Variants in AGFG2 observed in about 807,000 individuals in gnomAD.
AGFG2 encodes ArfGAP with FG repeats 2, also known as arf-GAP domain and FG repeat-containing protein 2.
In AGFG2, 31 loss-of-function variants were observed where a neutral mutation model predicts 48.0. The ratio of observed to expected loss-of-function variants is 0.65; its 90% CI spans 0.49 to 0.87. The LOEUF (loss-of-function observed/expected upper bound fraction) is 0.87, where lower values mean the gene tolerates loss of function less well. Ranked by LOEUF, AGFG2 falls within the 40% of genes least tolerant of loss-of-function variation. The probability of loss-of-function intolerance (pLI) is 0.00; values close to 1 mark genes in which losing one functional copy is unlikely to be tolerated. For synonymous variants in AGFG2, 229 were observed against 260.8 expected (o/e 0.88, Z 1.18); for missense variants, 599 against 632.6 (o/e 0.95, Z 0.57).
intron 1 of AGFG2, among the ~76,000 whole-genome samples, chr7:100,547,664 CTT>C (rs1800539485): frequency 6.6e-6 from 1 of 152,270 alleles, no homozygotes; most frequent in Non-Finnish European, 1.5e-5. Context: ...CTTCTCTTCT[CTT>C]ATAATCTCCA....
rs1801007156 is a variant in AGFG2, at chr7:100,566,315, C to A, written c.*1324C>A. The A allele has an allele frequency of 6.6e-6, 1 of 152,274 alleles. No homozygotes were observed. Among genetic ancestry groups the A allele is most frequent in the South Asian group, 2.1e-4 (1 of 4,834 alleles). 9.4% of individuals were successfully genotyped at this position (152,274 alleles called of 1,614,324 possible). ...AAGTAGACCCCTCCTGGGTCTGGAA[C>A]ATTCTCTGCCCCAGGCTCTTTCCAC... On this transcript the variant is annotated 3_prime_UTR_variant, in exon 12 of 12. Transcript: ENST00000300176.
At chr7:100,551,885 CAAAAAAAAA>C (rs59484677) in intron 3 of AGFG2, among the ~76,000 whole-genome samples, 1 of 16,854 alleles carries the variant, frequency 5.9e-5, no homozygotes, top group African/African-American at 2.4e-4. Context: ...GAGACTGTCT[CAAAAAAAAA>C]AAAAAAAAAA....
In AGFG2 at chr7:100,562,333, G is replaced by A. The variant is rs1441155786; in HGVS notation, c.952G>A (p.Gly318Ser). 5 of 1,614,114 alleles carry A rather than the reference G, an allele frequency of 3.1e-6. No homozygotes were observed. The East Asian group carries it at 6.7e-5, about 22-fold the overall frequency. ...ASQPNSLADV[G>S]SFLGPGVPAA... ...TCAGCCAAACAGCCTCGCAGACGTG[G>A]GCAGCTTCCTGGGACCCGGGGTGCC... Residue 318 changes from glycine to serine, a missense_variant, in exon 7 of 12, where the codon GGC becomes AGC. Transcript: ENST00000300176. The surrounding 1 kb of genome is among the most constrained non-coding windows in gnomAD (Gnocchi z 5.4).
chr7:100,545,731 GA>G (rs1472883650), intron 1 of AGFG2, among the ~76,000 whole-genome samples: 1 of 152,214 alleles, frequency 6.6e-6, no homozygotes, highest in African/African-American at 2.4e-5. Context: ...GCAAGTGGGA[GA>G]GCTGGGCCTG....
At chr7:100,556,891 G>A (rs1376659259) in intron 6 of AGFG2, among the ~76,000 whole-genome samples, 1 of 152,144 alleles carries the variant, frequency 6.6e-6, no homozygotes, top group Non-Finnish European at 1.5e-5. Flanking sequence ...GCTATAAGAA[G>A]AAACATTTTA....
At chr7:100,544,053 A>C (rs1379610734) in intron 1 of AGFG2, among the ~76,000 whole-genome samples, 1 of 152,252 alleles carries the variant, frequency 6.6e-6, no homozygotes, top group Non-Finnish European at 1.5e-5. Context: ...GCAGTGCTTT[A>C]AATGTTCTTT....
At chr7:100,555,572 A>G in intron 5 of AGFG2, 38 bp from the exon 6 acceptor site, 1 of 1,593,456 alleles carries the variant, frequency 6.3e-7, no homozygotes, top group South Asian at 1.1e-5. Context: ...CACACCCGAC[A>G]ATTTTCTATA....
At chr7:100,540,005 C>T (rs1800392322) in intron 1 of AGFG2, among the ~76,000 whole-genome samples, 1 of 151,806 alleles carries the variant, frequency 6.6e-6, no homozygotes, top group African/African-American at 2.4e-5. Context: ...TGGGGAAAGC[C>T]GGCCTGGAGA....
Position 100,542,409 on chromosome 7 carries a change from A to C in AGFG2, c.221+2842A>C, listed in dbSNP as rs186230712. ...AGCATATTTTGGTGTTTGGGAAATG[A>C]GAAGCTAGACCAACCCTTTGTTAGT... is the stretch of plus-strand genomic sequence containing the variant. On this transcript the variant is annotated intron_variant, in intron 1 of 11. Transcript: ENST00000300176. Among the ~76,000 whole-genome samples, 5 of 152,356 alleles carry C rather than the reference A, an allele frequency of 3.3e-5. No individual in the cohort carries two copies. The East Asian group carries it at 9.6e-4, about 29-fold the overall frequency.
At chr7:100,564,793 C>T (rs990445647) in intron 11 of AGFG2, 139 bp from the exon 12 acceptor site, 19 of 951,360 alleles carry the variant, frequency 2.0e-5, no homozygotes, top group Non-Finnish European at 3.0e-5. Context: ...CATGAGCTAC[C>T]GTGCCTGGCC....
intron 11 of AGFG2, 49 bp downstream of exon 11, chr7:100,564,352 C>A (rs1399014138): frequency 6.4e-7 from 1 of 1,557,802 alleles, no homozygotes; most frequent in East Asian, 2.3e-5. Context: ...GGCTTTCCCT[C>A]TGGGACAATC....
intron 6 of AGFG2, among the ~76,000 whole-genome samples, chr7:100,556,815 C>T (rs879321459): frequency 9.2e-5 from 14 of 152,216 alleles, no homozygotes; most frequent in Non-Finnish European, 1.9e-4. Flanking sequence ...GCTCTGCCCA[C>T]AGCCTTCTCA....
intron 1 of AGFG2, among the ~76,000 whole-genome samples, chr7:100,545,024 A>C (rs947994067): frequency 1.3e-5 from 2 of 152,190 alleles, no homozygotes; most frequent in African/African-American, 4.8e-5. Context: ...GGGACTCTTC[A>C]TGGTGATGTT....
rs373297543 is a variant in AGFG2 at position 100,551,030 on chromosome 7, T to TTATATATATATATA, written c.431+543_431+556dup. ...GTGTGTGCCACCATGCCTGGCTAAT[T>TTATATATATATATA]TATATATATATATATATATATATAT... On this transcript the variant is annotated intron_variant, in intron 3 of 11. Transcript: ENST00000300176. Among the ~76,000 whole-genome samples, 318 of 55,914 alleles carry TTATATATATATATA rather than the reference T, an allele frequency of 5.7e-3. 2 individuals are homozygous for TTATATATATATATA. Among genetic ancestry groups the TTATATATATATATA allele is most frequent in the Non-Finnish European group, 6.3e-3 (220 of 35,082 alleles). The allele number at this position is 55,914 out of a possible 152,430, so 36.7% of individuals were successfully genotyped here.
intron 1 of AGFG2, among the ~76,000 whole-genome samples, chr7:100,548,000 G>A (rs1483910578): frequency 6.6e-6 from 1 of 152,166 alleles, no homozygotes; most frequent in Admixed American, 6.6e-5. Context: ...ATCAAGAATA[G>A]TACTGGGCCT....
chr7:100,547,170 C>A, intron 1 of AGFG2, among the ~76,000 whole-genome samples: 1 of 150,186 alleles, frequency 6.7e-6, no homozygotes, highest in Non-Finnish European at 1.5e-5. Context: ...CTGCCCCCCA[C>A]CCCCACCACC....
rs1800995180 is a variant in AGFG2 at position 100,565,857 on chromosome 7, T to C, written c.*866T>C. ...CCCCACCATCCCCAGAGCCTGGGTT[T>C]TCCAGGGAAAGGCTTTGTGCAATTG... On this transcript the variant is annotated 3_prime_UTR_variant, in exon 12 of 12. Coordinates refer to ENST00000300176, the MANE Select transcript of AGFG2 (RefSeq NM_006076.5). 1 of 150,832 alleles carries C rather than the reference T, an allele frequency of 6.6e-6. No homozygotes were observed. Among genetic ancestry groups the C allele is most frequent in the Non-Finnish European group, 1.5e-5 (1 of 67,888 alleles). 9.3% of individuals were successfully genotyped at this position (150,832 alleles called of 1,614,324 possible).
intron 1 of AGFG2, among the ~76,000 whole-genome samples, chr7:100,540,887 C>G (rs1393303428): frequency 6.6e-6 from 1 of 151,874 alleles, no homozygotes; most frequent in African/African-American, 2.4e-5. Context: ...TGGCGCGCAC[C>G]TGTACTCCCA....
At chr7:100,558,352 C>T (rs1452279294) in intron 6 of AGFG2, among the ~76,000 whole-genome samples, 1 of 152,012 alleles carries the variant, frequency 6.6e-6, no homozygotes, top group Non-Finnish European at 1.5e-5. Context: ...GGAAAATGAC[C>T]TTCTTGTGCG....
Sources: allele counts gnomAD v4.1 joint callset (sites outside exome capture counted in the v4.1 genomes callset), GRCh38; gene constraint gnomAD v4.1.1; non-coding constraint Gnocchi (gnomAD v3.1); transcripts MANE v1.5; gene names NCBI Gene and HGNC (gene_info 2026-07-23, HGNC 2026-07-21).